The following APC variants were observed in gnomAD, a reference collection of about 807,000 sequenced individuals.
The protein encoded by APC is adenomatous polyposis coli protein.
In APC, 72 loss-of-function variants were observed where a neutral mutation model predicts 247.0. The observed-to-expected ratio is 0.29, with a 90% CI of 0.24 to 0.35. APC has a LOEUF of 0.35. Ranked by LOEUF, APC falls within the 10% of genes least tolerant of loss-of-function variation. APC has a pLI of 1.00. For synonymous variants in APC, 1,254 were observed against 1,162.5 expected (o/e 1.08, Z -1.60); for missense variants, 3,400 against 3,360.7 (o/e 1.01, Z -0.29).
At chr5:112,720,769 T>TGAA (rs1167660812) in intron 1 of APC, among the ~76,000 whole-genome samples, 2 of 152,174 alleles carry the variant, frequency 1.3e-5, no homozygotes, top group Non-Finnish European at 2.9e-5. Context: ...TCCTTTGATG[T>TGAA]TTATAGTTGT....
At position 112,839,945 on chromosome 5, in the gene APC, G is replaced by A. The variant is rs1325458165; in HGVS notation, c.4351G>A (p.Glu1451Lys). The change falls in exon 16 of 16, where the codon GAA (glutamate) becomes AAA (lysine). Residue 1451 changes from glutamate to lysine, a missense_variant. Glu to Lys is a moderately conservative substitution (Grantham distance 56, BLOSUM62 1). This residue lies in a region of APC where 1,788 missense variants were observed against 1,649.5 expected (regional missense o/e 1.08). Transcript: ENST00000257430. This position sits in a 1 kb window ranked among gnomAD's most constrained non-coding sequence, Gnocchi z 5.0. ...TCCTCAAACAGCTCAAACCAAGCGAGAAGTACCTAAAAATAAAGCACCTAC... is the reference window on the plus strand; with the variant it reads ...TCCTCAAACAGCTCAAACCAAGCGAAAAGTACCTAAAAATAAAGCACCTAC... The part of the protein sequence containing the change: ...PPPQTAQTKR[E>K]VPKNKAPTAE... The A allele has an allele frequency of 1.9e-6, 3 of 1,613,958 alleles. No homozygotes were observed. In the Admixed American group the frequency reaches 5.0e-5, roughly 27 times the overall value.
chr5:112,818,889 C>T (rs1762792775), intron 9 of APC, 77 bp from the exon 10 acceptor site: 1 of 1,409,896 alleles, frequency 7.1e-7, no homozygotes, highest in South Asian at 1.2e-5. Flanking sequence ...AGTAAATATC[C>T]CATTCATCAC....
At position 112,773,500 on chromosome 5, in the gene APC, C is replaced by T. The variant is rs536230365; in HGVS notation, c.423-2129C>T. On this transcript the variant is annotated intron_variant, in intron 4 of 15. Transcript: ENST00000257430. ...AATATATATATAACTTTTGACTGCC[C>T]GAAAACTTTACTGATTGCCTGTCTA... Among the ~76,000 whole-genome samples the T allele has an allele frequency of 5.1e-4, 77 of 152,072 alleles. 1 individual carries two copies. The Middle Eastern group carries it at 0.031, about 60-fold the overall frequency.
chr5:112,783,910 C>A, intron 6 of APC: 1 of 244,264 alleles, frequency 4.1e-6, no homozygotes, highest in Non-Finnish European at 8.2e-6. Flanking sequence ...TGAAAAGATG[C>A]TTAAACATCA....
At chr5:112,780,960 A>G in intron 6 of APC, 57 bp downstream of exon 6, 1 of 1,116,140 alleles carries the variant, frequency 9.0e-7, no homozygotes, top group African/African-American at 1.6e-5. Context: ...AATAAAATGA[A>G]TTACAGCTCT....
chr5:112,713,509 A>G (rs933078285), intron 1 of APC, among the ~76,000 whole-genome samples: 17 of 152,210 alleles, frequency 1.1e-4, no homozygotes, highest in Non-Finnish European at 1.9e-4. Flanking sequence ...GTGGCATTTC[A>G]GTCTAGGAAG....
At chr5:112,774,218 T>C (rs572117096) in intron 4 of APC, among the ~76,000 whole-genome samples, 1 of 152,268 alleles carries the variant, frequency 6.6e-6, no homozygotes, top group South Asian at 2.1e-4. Flanking sequence ...GAATATTATG[T>C]AGCTAACAAA....
At chr5:112,748,942 T>TGC (rs1753983450) in intron 1 of APC, among the ~76,000 whole-genome samples, 3 of 152,192 alleles carry the variant, frequency 2.0e-5, no homozygotes, top group African/African-American at 7.2e-5. Flanking sequence ...AGGTCAAGGC[T>TGC]GCGGTAAGCC....
intron 14 of APC, chr5:112,829,705 C>T (rs908058799): frequency 6.6e-6 from 1 of 152,356 alleles, no homozygotes; most frequent in Non-Finnish European, 1.5e-5. Context: ...TCAAAATTGT[C>T]TCCAGATACT....
chr5:112,797,216 C>A (rs1760302295), intron 7 of APC, among the ~76,000 whole-genome samples: 1 of 152,082 alleles, frequency 6.6e-6, no homozygotes. Flanking sequence ...AAATGTAAGC[C>A]AAAGGAAGGT....
rs397515735 is a variant in APC at position 112,815,553 on chromosome 5, ACT to A, written c.896_897del (p.Ser299CysfsTer27). On this transcript the variant is annotated frameshift_variant, in exon 9 of 16. Transcript: ENST00000257430. LOFTEE classifies it high-confidence loss of function. Reference sequence around the variant, plus strand: ...AGTGTTTTGAGTTCTAGTAGCACACACTCTGCACCTCGAAGGCTGACAAGTCA... The same window carrying A: ...AGTGTTTTGAGTTCTAGTAGCACACACTGCACCTCGAAGGCTGACAAGTCA... 1 of 1,612,396 alleles carries A rather than the reference ACT, an allele frequency of 6.2e-7. No homozygotes were observed. Among genetic ancestry groups the A allele is most frequent in the Non-Finnish European group, 8.5e-7 (1 of 1,178,874 alleles).
rs191557696 is a variant in APC at position 112,750,823 on chromosome 5, C to T, written c.-18-4050C>T. ...CTTTACTTAAAAAAATAAAAGTCTG[C>T]TCTCATAAGCAATGAAATGTTTTTC... On this transcript the variant is annotated intron_variant, in intron 1 of 15. Transcript: ENST00000257430. Among the ~76,000 whole-genome samples, 146 of 152,218 alleles carry T rather than the reference C, an allele frequency of 9.6e-4. 1 individual carries two copies. Among genetic ancestry groups the T allele is most frequent in the African/African-American group, 3.4e-3 (142 of 41,550 alleles).
At chr5:112,718,013 C>G (rs906139751) in intron 1 of APC, among the ~76,000 whole-genome samples, 6 of 130,058 alleles carry the variant, frequency 4.6e-5, no homozygotes, top group African/African-American at 8.3e-5. Context: ...TTTTTTTTCA[C>G]CTATGCCTAA....
chr5:112,764,065 G>A (rs1003058973), intron 2 of APC, among the ~76,000 whole-genome samples: 32 of 141,274 alleles, frequency 2.3e-4, no homozygotes, highest in African/African-American at 7.5e-4. Context: ...GTGAAACCCC[G>A]TCTCTACTAT....
At chr5:112,755,057 A>T (rs376404273) in intron 2 of APC, 32 bp downstream of exon 2, 2 of 1,611,878 alleles carry the variant, frequency 1.2e-6, no homozygotes, top group South Asian at 1.1e-5. Context: ...ATTGTAGTTT[A>T]TCCATTTTTA....
At position 112,821,999 on chromosome 5, in the gene APC, A is replaced by C. The variant is rs1057523135; in HGVS notation, c.1408+8A>C. 6.3e-7 allele frequency: 1 copy of C among 1,586,418 alleles called. No individual in the cohort carries two copies. Among genetic ancestry groups the C allele is most frequent in the Admixed American group, 1.7e-5 (1 of 59,810 alleles). On this transcript the variant is annotated splice_region_variant and intron_variant, in intron 11 of 15. Transcript: ENST00000257430. ...ATGCAATGAATGAACTAGGTAAGAC[A>C]AAAATGTTTTTTAATGACATAGACA...
At chr5:112,748,822 CA>C (rs547765090) in intron 1 of APC, among the ~76,000 whole-genome samples, 4 of 151,508 alleles carry the variant, frequency 2.6e-5, no homozygotes, top group African/African-American at 9.7e-5. Flanking sequence ...ATTTAAAAAA[CA>C]AAAAAAAGAA....
In APC at chr5:112,843,695, C is replaced by G. The variant is rs1270065034; in HGVS notation, c.8101C>G (p.Gln2701Glu). Residue 2701 changes from glutamine (Q) to glutamate (E), a missense_variant, in exon 16 of 16, where the codon CAG (glutamine) becomes GAG (glutamate). Physicochemically the swap from Gln to Glu is conservative, Grantham distance 29. Coordinates refer to ENST00000257430, the MANE Select transcript of APC (RefSeq NM_000038.6). This position sits in a 1 kb window ranked among gnomAD's most constrained non-coding sequence, Gnocchi z 4.8. ...NPNIKDSKDN[Q>E]AKQNVGNGSV... ...AAACATTAAAGATTCAAAAGATAAT[C>G]AGGCAAAACAAAATGTGGGTAATGG... 6.2e-7 allele frequency: 1 copy of G among 1,614,024 alleles called. No individual in the cohort carries two copies. The highest frequency in any genetic ancestry group is 1.1e-5 in the South Asian group (1 of 91,078).
chr5:112,808,555 C>T (rs1052467239), intron 8 of APC, among the ~76,000 whole-genome samples: 1 of 152,054 alleles, frequency 6.6e-6, no homozygotes, highest in African/African-American at 2.4e-5. Flanking sequence ...TTAAGCGATC[C>T]TCTCGAGTAG....
Sources: gnomAD v4.1 joint callset for allele counts (sites outside exome capture counted in the v4.1 genomes callset) on GRCh38, gnomAD v4.1.1 for gene constraint, gnomAD v4.1.1 regional missense constraint, Gnocchi (gnomAD v3.1) non-coding constraint, MANE v1.5 for transcripts, NCBI Gene and HGNC (gene_info 2026-07-23, HGNC 2026-07-21) for gene names.